The following UBE3A variants were observed in gnomAD, a reference collection of about 807,000 sequenced individuals.
The protein encoded by UBE3A is ubiquitin-protein ligase E3A.
Under a neutral mutation model 83.4 loss-of-function variants are expected in UBE3A, and 6 were observed. That is an observed-to-expected ratio of 0.07 (90% CI 0.04 to 0.14). UBE3A has a LOEUF of 0.14. Ranked by LOEUF, UBE3A falls within the 10% of genes least tolerant of loss-of-function variation. The probability of loss-of-function intolerance (pLI) is 1.00; values close to 1 mark genes in which losing one functional copy is unlikely to be tolerated. For missense variants in UBE3A, 456 were observed against 1,036.1 expected (o/e 0.44, Z 7.69); for synonymous variants, 337 against 355.4 (o/e 0.95, Z 0.58).
intron 4 of UBE3A, among the ~76,000 whole-genome samples, chr15:25,394,019 A>T (rs1413597649): frequency 6.6e-6 from 1 of 152,134 alleles, no homozygotes; most frequent in East Asian, 1.9e-4. Context: ...TCCAGGTGTT[A>T]TTCTTCCTGC....
At chr15:25,431,140 A>C (rs1015945843) in intron 1 of UBE3A, among the ~76,000 whole-genome samples, 1 of 152,198 alleles carries the variant, frequency 6.6e-6, no homozygotes, top group African/African-American at 2.4e-5. Flanking sequence ...CATTCTGTGA[A>C]GCAGGATGTA....
chr15:25,386,261 A>G (rs1412104496), intron 4 of UBE3A, among the ~76,000 whole-genome samples: 1 of 152,206 alleles, frequency 6.6e-6, no homozygotes, highest in African/African-American at 2.4e-5. Context: ...TTACAACCAC[A>G]TTACTAAATG....
intron 4 of UBE3A, among the ~76,000 whole-genome samples, chr15:25,386,956 A>G (rs1333001726): frequency 6.6e-6 from 1 of 152,212 alleles, no homozygotes; most frequent in Non-Finnish European, 1.5e-5. Context: ...TGAAATCTAC[A>G]TATATAGAGC....
In UBE3A at chr15:25,370,490, C is replaced by T; in HGVS notation, c.1608+76G>A. The T allele has an allele frequency of 2.6e-6, 4 of 1,549,494 alleles. No homozygotes were observed. Among genetic ancestry groups the T allele is most frequent in the African/African-American group, 1.4e-5 (1 of 73,614 alleles). On this transcript the variant is annotated intron_variant, in intron 6 of 12. Transcript: ENST00000648336. The surrounding 1 kb of genome is among the most constrained non-coding windows in gnomAD (Gnocchi z 4.2). ...GCTATATGGTATCATTTTTTTCAGT[C>T]ACTTTTAAAATGAATTCACTGAACT...
chr15:25,349,573 T>C (rs762646061), intron 11 of UBE3A, among the ~76,000 whole-genome samples: 1 of 152,148 alleles, frequency 6.6e-6, no homozygotes. Flanking sequence ...ATGTCTGAAA[T>C]TGCAAATAGT....
intron 4 of UBE3A, among the ~76,000 whole-genome samples, chr15:25,388,274 C>T (rs1367233642): frequency 6.6e-6 from 1 of 152,156 alleles, no homozygotes; most frequent in African/African-American, 2.4e-5. Flanking sequence ...TATACACCAG[C>T]ACAAAGTAGG....
intron 4 of UBE3A, among the ~76,000 whole-genome samples, chr15:25,387,301 CA>C (rs1218491878): frequency 6.6e-6 from 1 of 152,052 alleles, no homozygotes; most frequent in Non-Finnish European, 1.5e-5. Flanking sequence ...GCGGGTGGAT[CA>C]CATGGTCAGG....
In UBE3A at chr15:25,383,638, T is replaced by C. The variant is rs377646365; in HGVS notation, c.63-7875A>G. ...TGGGTGACAAGAGCAAGATTCTGTCTCAAAAAAACAAAAACAAAAACGCTC... is the reference window on the plus strand; with the variant it reads ...TGGGTGACAAGAGCAAGATTCTGTCCCAAAAAAACAAAAACAAAAACGCTC... On this transcript the variant is annotated intron_variant, in intron 4 of 12. Transcript: ENST00000648336. 3.0e-4 allele frequency among the ~76,000 whole-genome samples: 45 copies of C among 152,060 alleles called. 1 individual carries two copies. The South Asian group carries it at 3.3e-3, about 11-fold the overall frequency.
At chr15:25,365,490 T>C (rs539116616) in intron 6 of UBE3A, among the ~76,000 whole-genome samples, 1 of 152,132 alleles carries the variant, frequency 6.6e-6, no homozygotes, top group East Asian at 1.9e-4. Context: ...GGCTCATGCC[T>C]GTAATCCCGG....
At chr15:25,340,288 A>G (rs2074525908) in intron 11 of UBE3A, 60 bp from the exon 12 acceptor site, 3 of 1,554,356 alleles carry the variant, frequency 1.9e-6, no homozygotes, top group Non-Finnish European at 2.6e-6. Flanking sequence ...TGGTACTAAC[A>G]TAAGCTTATG....
At chr15:25,367,759 C>A (rs1025422081) in intron 6 of UBE3A, among the ~76,000 whole-genome samples, 1 of 151,980 alleles carries the variant, frequency 6.6e-6, no homozygotes, top group African/African-American at 2.4e-5. Flanking sequence ...AAGACAATTT[C>A]TCTAAAAACC....
At chr15:25,390,289 C>T (rs1269467856) in intron 4 of UBE3A, among the ~76,000 whole-genome samples, 1 of 152,106 alleles carries the variant, frequency 6.6e-6, no homozygotes, top group African/African-American at 2.4e-5. Flanking sequence ...AATTGCACTC[C>T]CTAGTATTTA....
rs570610464 is a variant in UBE3A, at chr15:25,393,103, C to T, written c.62+12358G>A. Among the ~76,000 whole-genome samples, 9 of 151,818 alleles carry T rather than the reference C, an allele frequency of 5.9e-5. No homozygotes were observed. In the South Asian group the frequency reaches 1.9e-3, roughly 32 times the overall value. The stretch of plus-strand genomic sequence containing the variant: ...AATTTGCCTTTTCAATAACTGAAAC[C>T]AAAGTGGGCAAAACTGGAGGCAAGC... On this transcript the variant is annotated intron_variant, in intron 4 of 12. Transcript: ENST00000648336.
At position 25,432,947 on chromosome 15, in the gene UBE3A, T is replaced by C. The variant is rs12901086; in HGVS notation, c.-165+5542A>G. Among the ~76,000 whole-genome samples, 18,119 of 152,172 alleles carry C rather than the reference T, an allele frequency of 0.12. 1,152 individuals carry two copies. Among genetic ancestry groups the C allele is most frequent in the Middle Eastern group, 0.23 (68 of 294 alleles). ...AAAATGAACTATAGGAATAATCTTATCCAATATGATTCTATGTCCCCTAAA... is the reference window on the plus strand; with the variant it reads ...AAAATGAACTATAGGAATAATCTTACCCAATATGATTCTATGTCCCCTAAA... On this transcript the variant is annotated intron_variant, in intron 1 of 12. Transcript: ENST00000648336.
At chr15:25,431,913 T>A (rs185377987) in intron 1 of UBE3A, among the ~76,000 whole-genome samples, 1 of 152,270 alleles carries the variant, frequency 6.6e-6, no homozygotes, top group Admixed American at 6.5e-5. Flanking sequence ...ATAGAATTCT[T>A]AGGAAAAATG....
In UBE3A at chr15:25,339,340, T is replaced by C. The variant is rs543344330; in HGVS notation, c.2499-83A>G. ...AGAATTAAATGCTCCTATTTTTAGA[T>C]TGTATATAGTTGAGACGGTCTGCAA... On this transcript the variant is annotated intron_variant, in intron 12 of 12. Transcript: ENST00000648336. The C allele has an allele frequency of 1.3e-4, 193 of 1,536,000 alleles. 1 individual carries two copies. In the African/African-American group the frequency reaches 2.4e-3, roughly 19 times the overall value.
intron 4 of UBE3A, among the ~76,000 whole-genome samples, chr15:25,379,528 G>A (rs998161528): frequency 2.0e-5 from 3 of 152,154 alleles, no homozygotes; most frequent in Admixed American, 2.0e-4. Flanking sequence ...GTTAATGGTG[G>A]AATCAACTAT....
intron 7 of UBE3A, 145 bp from the exon 8 acceptor site, chr15:25,357,041 T>C: frequency 1.4e-6 from 1 of 701,776 alleles, no homozygotes; most frequent in East Asian, 2.8e-5. Flanking sequence ...TTCTATTATA[T>C]TAGCACTTGA....
intron 1 of UBE3A, among the ~76,000 whole-genome samples, chr15:25,437,788 T>C (rs547751666): frequency 6.6e-6 from 1 of 152,152 alleles, no homozygotes; most frequent in Non-Finnish European, 1.5e-5. Flanking sequence ...ATTCTACCTT[T>C]ACCAACAAAA....
Sources: allele counts gnomAD v4.1 joint callset (sites outside exome capture counted in the v4.1 genomes callset), GRCh38; gene constraint gnomAD v4.1.1; non-coding constraint Gnocchi (gnomAD v3.1); transcripts MANE v1.5; gene names NCBI Gene and HGNC (gene_info 2026-07-23, HGNC 2026-07-21).